KSR1: variants seen among roughly 807,000 people sequenced by gnomAD.
KSR1 encodes kinase suppressor of ras 1, also known as kinase suppressor of ras.
A neutral mutation model predicts 92.9 loss-of-function variants in KSR1; 35 were observed. That is an observed-to-expected ratio of 0.38 (90% CI 0.29 to 0.50). KSR1 has a LOEUF of 0.50. KSR1 is among the 20% of genes least tolerant of loss of function. The pLI is 0.94. For synonymous variants in KSR1, 467 were observed against 472.6 expected (o/e 0.99, Z 0.15); for missense variants, 972 against 1,158.5 (o/e 0.84, Z 2.34).
intron 1 of KSR1, among the ~76,000 whole-genome samples, chr17:27,479,216 CTCCCTGCATCCATGCTCT>C (rs1201999536): frequency 1.3e-5 from 2 of 151,534 alleles, no homozygotes; most frequent in Non-Finnish European, 2.9e-5. Flanking sequence ...ATCCATGCTC[CTCCCTGCATCCATGCTCT>C]TCCCTCCGTC....
chr17:27,563,586 T>C (rs2071923617), intron 2 of KSR1, among the ~76,000 whole-genome samples: 1 of 152,142 alleles, frequency 6.6e-6, no homozygotes, highest in Admixed American at 6.5e-5. Context: ...ATTCTGTCAG[T>C]GTCTTGTTAC....
chr17:27,508,799 G>A (rs2069491365), intron 1 of KSR1, among the ~76,000 whole-genome samples: 1 of 151,504 alleles, frequency 6.6e-6, no homozygotes, highest in African/African-American at 2.4e-5. Context: ...GCGTGATCTC[G>A]GCTCATTGTA....
At chr17:27,486,815 G>A (rs1018113619) in intron 1 of KSR1, among the ~76,000 whole-genome samples, 4 of 152,140 alleles carry the variant, frequency 2.6e-5, no homozygotes, top group South Asian at 4.1e-4. Context: ...TAGATAACAC[G>A]GGACTGCAGG....
intron 19 of KSR1, 122 bp downstream of exon 19, chr17:27,617,550 A>T: frequency 8.5e-7 from 1 of 1,182,254 alleles, no homozygotes; most frequent in Non-Finnish European, 1.2e-6. Flanking sequence ...TTTTTGAGAC[A>T]GAGTCTCGCT....
chr17:27,586,710 C>G (rs1034010204), intron 5 of KSR1, among the ~76,000 whole-genome samples: 4 of 152,204 alleles, frequency 2.6e-5, no homozygotes, highest in Non-Finnish European at 4.4e-5. Flanking sequence ...TGTCTCCATG[C>G]AGATCAGATG....
intron 6 of KSR1, among the ~76,000 whole-genome samples, chr17:27,589,790 A>G (rs1248892076): frequency 6.6e-6 from 1 of 152,112 alleles, no homozygotes; most frequent in Non-Finnish European, 1.5e-5. Context: ...AATGTTCTAC[A>G]TTTTGGATTG....
At chr17:27,602,628 C>G (rs1309473316) in intron 11 of KSR1, among the ~76,000 whole-genome samples, 1 of 152,228 alleles carries the variant, frequency 6.6e-6, no homozygotes, top group Non-Finnish European at 1.5e-5. Flanking sequence ...CACCCCAACT[C>G]TTACTACTTC....
chr17:27,604,228 G>T (rs754193421), intron 12 of KSR1, among the ~76,000 whole-genome samples: 1 of 152,128 alleles, frequency 6.6e-6, no homozygotes, highest in Non-Finnish European at 1.5e-5. Flanking sequence ...TCACATTCCC[G>T]CATCTCACCC....
intron 1 of KSR1, among the ~76,000 whole-genome samples, chr17:27,521,588 C>T (rs578044906): frequency 6.6e-4 from 101 of 152,142 alleles, no homozygotes; most frequent in Non-Finnish European, 1.1e-3. Context: ...TGAGCCACCA[C>T]GCCTGGCTAG....
Position 27,592,556 on chromosome 17 carries a change from A to G in KSR1, c.1229A>G (p.Asp410Gly). 1.2e-6 allele frequency: 2 copies of G among 1,613,986 alleles called. No homozygotes were observed. Among genetic ancestry groups the G allele is most frequent in the East Asian group, 2.2e-5 (1 of 44,880 alleles). Residue 410 changes from aspartate (D) to glycine (G), a missense_variant, in exon 9 of 21, where the codon GAC (aspartate) becomes GGC (glycine). Around this residue, in one of 5 missense-constraint regions of KSR1, gnomAD observed 611 missense variants for 668.0 expected, o/e 0.91. Coordinates refer to ENST00000644974, the MANE Select transcript of KSR1 (RefSeq NM_001394583.1). Reference protein sequence around the residue: ...RLRRTESVPSDINNPVDRAAE... With the variant: ...RLRRTESVPSGINNPVDRAAE... ...CGGAGGACAGAATCTGTCCCCTCGGACATCAACAACCCGGTGGACAGAGCA... is the reference window on the plus strand; with the variant it reads ...CGGAGGACAGAATCTGTCCCCTCGGGCATCAACAACCCGGTGGACAGAGCA...
chr17:27,486,155 A>C (rs892072735), intron 1 of KSR1, among the ~76,000 whole-genome samples: 1 of 152,146 alleles, frequency 6.6e-6, no homozygotes, highest in Non-Finnish European at 1.5e-5. Flanking sequence ...CTGCAAGCAA[A>C]ACCATCCTGC....
In KSR1 at chr17:27,609,780, G is replaced by A. The variant is rs140685881; in HGVS notation, c.2226-287G>A. 5.7e-3 allele frequency: 2,107 copies of A among 370,842 alleles called. 8 individuals carry two copies. Among genetic ancestry groups the A allele is most frequent in the Admixed American group, 8.3e-3 (195 of 23,498 alleles). 23.0% of individuals were successfully genotyped at this position (370,842 alleles called of 1,614,324 possible). ...GATCAGGGTTCCTGGTTAGAGAGGC[G>A]CCTCATTCTCCAGCAGAGGGAGCTG... On this transcript the variant is annotated intron_variant, in intron 16 of 20. Transcript: ENST00000644974.
chr17:27,527,926 A>G (rs2070379851), intron 1 of KSR1, among the ~76,000 whole-genome samples: 2 of 152,210 alleles, frequency 1.3e-5, no homozygotes, highest in South Asian at 4.1e-4. Flanking sequence ...CTGTTATTAC[A>G]TTGATTATGT....
intron 1 of KSR1, among the ~76,000 whole-genome samples, chr17:27,498,788 A>G (rs867017556): frequency 2.5e-4 from 38 of 152,150 alleles, no homozygotes; most frequent in Admixed American, 2.6e-4. Flanking sequence ...GAATTTTTAA[A>G]ATGCGCCTCA....
At chr17:27,485,369 A>G (rs1231228973) in intron 1 of KSR1, among the ~76,000 whole-genome samples, 1 of 152,120 alleles carries the variant, frequency 6.6e-6, no homozygotes, top group Non-Finnish European at 1.5e-5. Context: ...CCCACTGTCA[A>G]TCTGGCTTGC....
intron 6 of KSR1, among the ~76,000 whole-genome samples, chr17:27,589,096 A>G (rs1408571185): frequency 6.6e-6 from 1 of 152,214 alleles, no homozygotes; most frequent in East Asian, 1.9e-4. Context: ...AAGGCACGCC[A>G]TGCAGTTTGG....
In KSR1 at chr17:27,605,337, C is replaced by G. The variant is rs987910407; in HGVS notation, c.1615-97C>G. 94 of 1,475,428 alleles carry G rather than the reference C, an allele frequency of 6.4e-5. No individual in the cohort carries two copies. In the African/African-American group the frequency reaches 1.2e-3, roughly 19 times the overall value. 91.4% of individuals were successfully genotyped at this position (1,475,428 alleles called of 1,614,324 possible). A position where few individuals can be genotyped will look rare whatever the true frequency, so the allele number is the denominator to read the frequency against. ...ACCTGGGTCCCCTGGCAGGATGCCT[C>G]TCTCCCCTGTTACCTGGCTAGGGCT... On this transcript the variant is annotated intron_variant, in intron 13 of 20. Coordinates refer to ENST00000644974, the MANE Select transcript of KSR1 (RefSeq NM_001394583.1).
At chr17:27,571,949 C>T (rs1488733780) in intron 2 of KSR1, among the ~76,000 whole-genome samples, 2 of 152,208 alleles carry the variant, frequency 1.3e-5, no homozygotes, top group African/African-American at 4.8e-5. Flanking sequence ...TCCCTGGATA[C>T]CATTTGATAC....
At chr17:27,592,764 G>A in intron 9 of KSR1, 138 bp downstream of exon 9, 3 of 674,864 alleles carry the variant, frequency 4.4e-6, no homozygotes, top group Non-Finnish European at 5.0e-6. Context: ...GGTGGCCTTG[G>A]GGATCATATC....
Sources: gnomAD v4.1 joint callset for allele counts (sites outside exome capture counted in the v4.1 genomes callset) on GRCh38, gnomAD v4.1.1 for gene constraint, gnomAD v4.1.1 regional missense constraint, MANE v1.5 for transcripts, NCBI Gene and HGNC (gene_info 2026-07-23, HGNC 2026-07-21) for gene names.